PEAK1: variants seen among roughly 807,000 people sequenced by gnomAD.
PEAK1 encodes the protein inactive tyrosine-protein kinase PEAK1.
In PEAK1, 54 loss-of-function variants were observed where a neutral mutation model predicts 124.7. The ratio of observed to expected loss-of-function variants is 0.43; its 90% confidence interval spans 0.35 to 0.54. PEAK1 has a LOEUF of 0.54. Ranked by LOEUF, PEAK1 falls within the 20% of genes least tolerant of loss-of-function variation. PEAK1 has a pLI of 0.01. For synonymous variants in PEAK1, 719 were observed against 760.0 expected (o/e 0.95, Z 0.89); for missense variants, 2,046 against 2,134.5 (o/e 0.96, Z 0.82).
At chr15:77,375,723 C>T (rs75329354) in intron 1 of PEAK1, among the ~76,000 whole-genome samples, 33,821 of 152,104 alleles carry the variant, frequency 0.22, 4,234 homozygotes, top group Middle Eastern at 0.3. Context: ...AGGCCAGGCG[C>T]GGTGGCTCAC....
chr15:77,348,870 G>A, intron 2 of PEAK1: 7 of 941,652 alleles, frequency 7.4e-6, no homozygotes, highest in Non-Finnish European at 8.9e-6. Context: ...TTGAACTCCT[G>A]GGCCCAAGCA....
Position 77,133,235 on chromosome 15 carries a change from G to A in PEAK1, c.3847C>T (p.Arg1283Trp), listed in dbSNP as rs765150646. ...CGGATTTTACCCACTACTTCCTCCC[G>A]ATTCTCAAGTCCTCGATAAAGTGCT... Reference protein sequence around the residue: ...RQALYRGLENREEVVGKIRSL... With the variant: ...RQALYRGLENWEEVVGKIRSL... The change falls in exon 9 of 10, where the codon CGG (arginine) becomes TGG (tryptophan). Residue 1283 changes from arginine to tryptophan, a missense_variant. Arg to Trp is a moderately radical substitution (Grantham distance 101). Transcript: ENST00000682557. The surrounding 1 kb of genome is among the most constrained non-coding windows in gnomAD (Gnocchi z 4.2). 1.3e-5 allele frequency: 21 copies of A among 1,614,064 alleles called. No individual in the cohort carries two copies. Among genetic ancestry groups the A allele is most frequent in the African/African-American group, 9.3e-5 (7 of 74,914 alleles).
Position 77,404,414 on chromosome 15 carries a change from T to C in PEAK1, c.-666+15592A>G, listed in dbSNP as rs887327298. 10 of 817,680 alleles carry C rather than the reference T, an allele frequency of 1.2e-5. No individual in the cohort carries two copies. In the African/African-American group the frequency reaches 1.7e-4, roughly 14 times the overall value. The allele number at this position is 817,680 out of a possible 1,614,324, so 50.7% of individuals were successfully genotyped here. A position where few individuals can be genotyped will look rare whatever the true frequency, so the allele number is the denominator to read the frequency against. Reference sequence around the variant, plus strand: ...TGAAATGTGCTTTAAGTGGAAAATATACATTGGATTTGGAAGACAGAAAAA... The same window carrying C: ...TGAAATGTGCTTTAAGTGGAAAATACACATTGGATTTGGAAGACAGAAAAA... On this transcript the variant is annotated intron_variant, in intron 1 of 9. Coordinates refer to ENST00000682557, the MANE Select transcript of PEAK1 (RefSeq NM_001385026.1).
In PEAK1 at chr15:77,133,840, G is replaced by A. The variant is rs932267289; in HGVS notation, c.3332-90C>T. ...TGAAACTTGAGCAGAAATGAGTGAG[G>A]TAGCCATGGGAATGTAAGAATAAGT... is the stretch of plus-strand genomic sequence containing the variant. On this transcript the variant is annotated intron_variant, in intron 8 of 9. Coordinates refer to ENST00000682557, the MANE Select transcript of PEAK1 (RefSeq NM_001385026.1). The surrounding 1 kb of genome is among the most constrained non-coding windows in gnomAD (Gnocchi z 4.2). 3 of 1,358,834 alleles carry A rather than the reference G, an allele frequency of 2.2e-6. No homozygotes were observed. The highest frequency in any genetic ancestry group is 2.9e-6 in the Non-Finnish European group (3 of 1,024,026). 84.2% of individuals were successfully genotyped at this position (1,358,834 alleles called of 1,614,324 possible).
intron 1 of PEAK1, among the ~76,000 whole-genome samples, chr15:77,366,933 A>G (rs1042413151): frequency 2.0e-5 from 3 of 152,306 alleles, no homozygotes; most frequent in Admixed American, 2.0e-4. Context: ...CAGGAGATGG[A>G]GACCATCCTG....
At chr15:77,358,873 TC>T (rs1255094046) in intron 2 of PEAK1, among the ~76,000 whole-genome samples, 2 of 152,224 alleles carry the variant, frequency 1.3e-5, no homozygotes, top group Non-Finnish European at 2.9e-5. Context: ...TCTGACTGTA[TC>T]TATTCTATCT....
intron 1 of PEAK1, 46 bp downstream of exon 1, chr15:77,419,960 G>A (rs1195706931): frequency 6.7e-6 from 1 of 149,334 alleles, no homozygotes; most frequent in Admixed American, 6.6e-5. Context: ...GACGGCGCGT[G>A]AGTAGAAGAC....
At chr15:77,242,505 G>T (rs1443681421) in intron 6 of PEAK1, among the ~76,000 whole-genome samples, 1 of 152,088 alleles carries the variant, frequency 6.6e-6, no homozygotes, top group African/African-American at 2.4e-5. Flanking sequence ...TTGAGGAAAT[G>T]TAACAGGAGA....
intron 5 of PEAK1, among the ~76,000 whole-genome samples, chr15:77,264,646 G>A (rs2061619762): frequency 1.3e-5 from 2 of 152,134 alleles, no homozygotes; most frequent in Admixed American, 1.3e-4. Context: ...TCATGGGTAG[G>A]AAGAATCAAT....
At chr15:77,335,156 T>C (rs1343738117) in intron 2 of PEAK1, 2 of 985,340 alleles carry the variant, frequency 2.0e-6, no homozygotes, top group Non-Finnish European at 2.4e-6. Flanking sequence ...ACACTGTGCT[T>C]TGTAGGAACA....
At chr15:77,272,939 T>C (rs763940456) in intron 5 of PEAK1, among the ~76,000 whole-genome samples, 1 of 152,210 alleles carries the variant, frequency 6.6e-6, no homozygotes, top group South Asian at 2.1e-4. Flanking sequence ...ATAACAGGGA[T>C]GCAGGGATGG....
chr15:77,307,585 G>T (rs1401270038), intron 2 of PEAK1, among the ~76,000 whole-genome samples: 2 of 152,110 alleles, frequency 1.3e-5, no homozygotes, highest in East Asian at 3.9e-4. Context: ...TCTTCAGGAG[G>T]TCTTATGCTA....
intron 2 of PEAK1, chr15:77,352,524 A>C: frequency 4.1e-6 from 4 of 980,072 alleles, no homozygotes; most frequent in Non-Finnish European, 4.8e-6. Context: ...TTAAAAATAC[A>C]TACATTTTAA....
chr15:77,337,835 G>C, intron 2 of PEAK1: 2 of 985,230 alleles, frequency 2.0e-6, no homozygotes, highest in Non-Finnish European at 2.4e-6. Flanking sequence ...ATGCAATAGA[G>C]CTAAGAAGAG....
chr15:77,324,483 A>G (rs886687507), intron 2 of PEAK1, among the ~76,000 whole-genome samples: 1 of 152,206 alleles, frequency 6.6e-6, no homozygotes, highest in Non-Finnish European at 1.5e-5. Context: ...GAAAAAATAA[A>G]ATACTGTTTT....
At chr15:77,255,371 C>T (rs752809892) in intron 5 of PEAK1, 142 of 983,206 alleles carry the variant, frequency 1.4e-4, no homozygotes, top group Admixed American at 1.8e-4. Flanking sequence ...AAGCTTCTGC[C>T]GGTACCAATC....
At chr15:77,221,512 C>A (rs1244674159) in intron 6 of PEAK1, among the ~76,000 whole-genome samples, 1 of 151,900 alleles carries the variant, frequency 6.6e-6, no homozygotes, top group East Asian at 1.9e-4. Flanking sequence ...ATTGCTAAGC[C>A]CAGGGGTACT....
At chr15:77,172,099 G>A (rs1323534002) in intron 7 of PEAK1, among the ~76,000 whole-genome samples, 1 of 152,136 alleles carries the variant, frequency 6.6e-6, no homozygotes, top group East Asian at 1.9e-4. Context: ...ATAAGTGGTA[G>A]TTTCTTAAAG....
At position 77,183,018 on chromosome 15, in the gene PEAK1, G is replaced by A. The variant is rs183282363; in HGVS notation, c.-114-978C>T. Among the ~76,000 whole-genome samples, 641 of 152,168 alleles carry A rather than the reference G, an allele frequency of 4.2e-3. 4 individuals are homozygous for A. The highest frequency in any genetic ancestry group is 0.014 in the African/African-American group (589 of 41,492). On this transcript the variant is annotated intron_variant, in intron 6 of 9. Transcript: ENST00000682557. The stretch of plus-strand genomic sequence containing the variant: ...AAACTATAAAACACTGATAGATGAA[G>A]GGGGGAAGAAGGGGGAAAGGTAAGC...
Sources: allele counts gnomAD v4.1 joint callset (sites outside exome capture counted in the v4.1 genomes callset), GRCh38; gene constraint gnomAD v4.1.1; non-coding constraint Gnocchi (gnomAD v3.1); transcripts MANE v1.5; gene names NCBI Gene and HGNC (gene_info 2026-07-23, HGNC 2026-07-21).